Variants in GSTO2 observed in about 807,000 individuals in gnomAD.
GSTO2 encodes glutathione S-transferase omega-2.
In GSTO2, 23 loss-of-function variants were observed where a neutral mutation model predicts 28.4. The ratio of observed to expected loss-of-function variants is 0.81; its 90% CI spans 0.58 to 1.15. The LOEUF (loss-of-function observed/expected upper bound fraction) is 1.15. GSTO2 is among the 50% of genes most tolerant of loss of function. The pLI is 0.00. For synonymous variants in GSTO2, 109 were observed against 111.0 expected, an observed-to-expected ratio of 0.98 and a Z score of 0.11; for missense variants, 298 against 297.8, an observed-to-expected ratio of 1.00 and a Z score of 0.00.
At chr10:104,290,263 T>G (rs2012695254) in intron 5 of GSTO2, among the ~76,000 whole-genome samples, 1 of 152,210 alleles carries the variant, frequency 6.6e-6, no homozygotes, top group African/African-American at 2.4e-5. Context: ...CCCAGTACTT[T>G]GGGAGGCCAA....
intron 5 of GSTO2, among the ~76,000 whole-genome samples, chr10:104,281,961 A>G (rs755460974): frequency 2.0e-5 from 3 of 152,240 alleles, no homozygotes; most frequent in Non-Finnish European, 4.4e-5. Flanking sequence ...AGGGGTTGAC[A>G]GCGAGGGAGT....
At chr10:104,289,035 C>G (rs1457736166) in intron 5 of GSTO2, among the ~76,000 whole-genome samples, 3 of 152,110 alleles carry the variant, frequency 2.0e-5, no homozygotes, top group Non-Finnish European at 4.4e-5. Flanking sequence ...TTTGACTGGT[C>G]AAGCATTACC....
intron 5 of GSTO2, among the ~76,000 whole-genome samples, chr10:104,289,801 C>T (rs2012666583): frequency 6.6e-6 from 1 of 152,094 alleles, no homozygotes; most frequent in African/African-American, 2.4e-5. Context: ...CAAAAGAAGA[C>T]ACACAAATGG....
At chr10:104,293,985 C>A (rs926812302) in intron 5 of GSTO2, among the ~76,000 whole-genome samples, 13 of 152,136 alleles carry the variant, frequency 8.5e-5, no homozygotes, top group African/African-American at 3.1e-4. Context: ...GCAAGGCTCC[C>A]CTGTCCTTCC....
intron 5 of GSTO2, among the ~76,000 whole-genome samples, chr10:104,293,585 T>TTTTTTTTTTTTTTTTTC (rs2012885593): frequency 6.9e-6 from 1 of 145,446 alleles, no homozygotes; most frequent in African/African-American, 2.6e-5. Context: ...TTTTTTTTTT[T>TTTTTTTTTTTTTTTTTC]GCGACAAGGT....
At chr10:104,285,788 C>G (rs1041470180) in intron 5 of GSTO2, 2 of 207,732 alleles carry the variant, frequency 9.6e-6, no homozygotes, top group Admixed American at 5.5e-5. Flanking sequence ...TTAAACTGTT[C>G]TTTCTTCTCA....
intron 5 of GSTO2, among the ~76,000 whole-genome samples, chr10:104,289,362 C>T (rs1298772218): frequency 6.6e-6 from 1 of 152,166 alleles, no homozygotes; most frequent in Non-Finnish European, 1.5e-5. Context: ...TCCCAAAGTA[C>T]TAGGATAAAA....
intron 5 of GSTO2, among the ~76,000 whole-genome samples, chr10:104,282,546 C>A (rs1248406239): frequency 2.1e-5 from 3 of 142,482 alleles, no homozygotes; most frequent in Non-Finnish European, 4.4e-5. Flanking sequence ...ACAGTGAAAC[C>A]CTATCTCAAA....
chr10:104,302,733 CATG>C lies in GSTO2; in HGVS notation c.*3452_*3454del, dbSNP rs2013294329. On this transcript the variant is annotated 3_prime_UTR_variant, in exon 7 of 7. Coordinates refer to ENST00000338595, the MANE Select transcript of GSTO2 (RefSeq NM_183239.2). The stretch of plus-strand genomic sequence containing the variant: ...AGCACCATTCTCTTGGTGCTGTTCT[CATG>C]ATAGTGAGTGAGTTCTCATGAGTTC... 1 of 152,136 alleles carries C rather than the reference CATG, an allele frequency of 6.6e-6. No individual in the cohort carries two copies. The highest frequency in any genetic ancestry group is 6.5e-5 in the Admixed American group (1 of 15,274). 9.4% of individuals were successfully genotyped at this position (152,136 alleles called of 1,614,324 possible).
rs929842917 is a variant in GSTO2, at chr10:104,302,712, C to G, written c.*3428C>G. The stretch of plus-strand genomic sequence containing the variant: ...TAGATTTCTCATGAATGGTTTAGCA[C>G]CATTCTCTTGGTGCTGTTCTCATGA... On this transcript the variant is annotated 3_prime_UTR_variant, in exon 7 of 7. Coordinates refer to ENST00000338595, the MANE Select transcript of GSTO2 (RefSeq NM_183239.2). 6.6e-6 allele frequency: 1 copy of G among 152,158 alleles called. No homozygotes were observed. Among genetic ancestry groups the G allele is most frequent in the Non-Finnish European group, 1.5e-5 (1 of 68,042 alleles). 9.4% of individuals were successfully genotyped at this position (152,158 alleles called of 1,614,324 possible). A position where few individuals can be genotyped will look rare whatever the true frequency, so the allele number is the denominator to read the frequency against.
At position 104,299,453 on chromosome 10, in the gene GSTO2, C is replaced by G; in HGVS notation, c.*169C>G. 1 of 726,058 alleles carries G rather than the reference C, an allele frequency of 1.4e-6. No individual in the cohort carries two copies. The highest frequency in any genetic ancestry group is 2.2e-6 in the Non-Finnish European group (1 of 453,468). 45.0% of individuals were successfully genotyped at this position (726,058 alleles called of 1,614,324 possible). A position where few individuals can be genotyped will look rare whatever the true frequency, so the allele number is the denominator to read the frequency against. On this transcript the variant is annotated 3_prime_UTR_variant, in exon 7 of 7. Coordinates refer to ENST00000338595, the MANE Select transcript of GSTO2 (RefSeq NM_183239.2). The stretch of plus-strand genomic sequence containing the variant: ...TAATCATTTGTCTGACTCCTCTAGC[C>G]TGTAGCTGCTGCTACTGCTGCTTTT...
At chr10:104,283,239 G>A (rs2012194341) in intron 5 of GSTO2, among the ~76,000 whole-genome samples, 1 of 152,180 alleles carries the variant, frequency 6.6e-6, no homozygotes, top group Non-Finnish European at 1.5e-5. Flanking sequence ...CTCGGTGTAG[G>A]TAGCTTTCAC....
At chr10:104,287,054 C>T (rs1225076124) in intron 5 of GSTO2, among the ~76,000 whole-genome samples, 3 of 152,064 alleles carry the variant, frequency 2.0e-5, no homozygotes, top group African/African-American at 7.2e-5. Context: ...TTCCCCACAC[C>T]CCCTGCCATT....
At chr10:104,294,308 G>A (rs1478640172) in intron 5 of GSTO2, among the ~76,000 whole-genome samples, 1 of 152,130 alleles carries the variant, frequency 6.6e-6, no homozygotes, top group Non-Finnish European at 1.5e-5. Context: ...AGTTTCAGGG[G>A]TCCTTCCAGT....
At position 104,302,831 on chromosome 10, in the gene GSTO2, G is replaced by T. The variant is rs377743498; in HGVS notation, c.*3547G>T. 1 of 152,128 alleles carries T rather than the reference G, an allele frequency of 6.6e-6. No individual in the cohort carries two copies. The highest frequency in any genetic ancestry group is 2.4e-5 in the African/African-American group (1 of 41,394). 9.4% of individuals were successfully genotyped at this position (152,128 alleles called of 1,614,324 possible). ...CAGCTCCCACCATGGGAGATGCCTC[G>T]CTCCCCCTTTGCTTTTTGCCATGAG... On this transcript the variant is annotated 3_prime_UTR_variant, in exon 7 of 7. Coordinates refer to ENST00000338595, the MANE Select transcript of GSTO2 (RefSeq NM_183239.2).
chr10:104,286,858 C>T (rs2012461449), intron 5 of GSTO2, among the ~76,000 whole-genome samples: 1 of 151,818 alleles, frequency 6.6e-6, no homozygotes, highest in South Asian at 2.1e-4. Flanking sequence ...TAAAGTAATA[C>T]TTGTTCATTA....
intron 1 of GSTO2, among the ~76,000 whole-genome samples, chr10:104,271,888 G>A (rs1026721330): frequency 1.3e-5 from 2 of 152,186 alleles, no homozygotes; most frequent in African/African-American, 2.4e-5. Context: ...GACCATGGAT[G>A]GGCAAATTAA....
At chr10:104,292,673 C>A (rs897106896) in intron 5 of GSTO2, among the ~76,000 whole-genome samples, 2 of 152,104 alleles carry the variant, frequency 1.3e-5, no homozygotes, top group Non-Finnish European at 2.9e-5. Context: ...CCACGCTAGT[C>A]TCGAACTCCT....
intron 4 of GSTO2, among the ~76,000 whole-genome samples, chr10:104,278,389 G>T (rs536534816): frequency 1.3e-5 from 2 of 152,354 alleles, no homozygotes; most frequent in African/African-American, 4.8e-5. Context: ...AATACTGAAA[G>T]AACTGAAAAC....
Sources: gnomAD v4.1 joint callset for allele counts (sites outside exome capture counted in the v4.1 genomes callset) on GRCh38, gnomAD v4.1.1 for gene constraint, MANE v1.5 for transcripts, NCBI Gene and HGNC (gene_info 2026-07-23, HGNC 2026-07-21) for gene names.